The following ADGRD1 variants were observed in gnomAD, a reference collection of about 807,000 sequenced individuals.
ADGRD1 encodes G-protein coupled receptor 133.
A neutral mutation model predicts 113.4 loss-of-function variants in ADGRD1; 77 were observed. The observed-to-expected ratio is 0.68, with a 90% CI of 0.57 to 0.82. The LOEUF is 0.82. Among genes scored for constraint, ADGRD1 ranks in the 40% least tolerant of loss-of-function variants. The pLI, the probability that ADGRD1 is intolerant of heterozygous loss-of-function variation, is 0.00. For synonymous variants in ADGRD1, 474 were observed against 475.0 expected, an observed-to-expected ratio of 1.00 and a Z score of 0.03; for missense variants, 1,036 against 1,139.1, an observed-to-expected ratio of 0.91 and a Z score of 1.30.
intron 18 of ADGRD1, among the ~76,000 whole-genome samples, chr12:131,111,847 T>C (rs1261992846): frequency 1.3e-5 from 2 of 152,224 alleles, no homozygotes; most frequent in African/African-American, 4.8e-5. Flanking sequence ...TCCTTTACTT[T>C]TTCAATGACA....
At chr12:131,097,516 G>A (rs892120139) in intron 15 of ADGRD1, among the ~76,000 whole-genome samples, 18 of 152,234 alleles carry the variant, frequency 1.2e-4, no homozygotes, top group African/African-American at 2.9e-4. Flanking sequence ...GACCCAGCCC[G>A]GGGGAGGCTG....
Position 131,096,789 on chromosome 12 carries a change from G to C in ADGRD1, c.1672-8042G>C, listed in dbSNP as rs1400458595. 2.0e-5 allele frequency among the ~76,000 whole-genome samples: 3 copies of C among 152,242 alleles called. No homozygotes were observed. The highest frequency in any genetic ancestry group is 4.4e-5 in the Non-Finnish European group (3 of 68,040). ...TAAAGCAGCCATCGTCTGGGGCACAGTGGGGACTCAGCCCTGAGTTCCCAG... is the reference window on the plus strand; with the variant it reads ...TAAAGCAGCCATCGTCTGGGGCACACTGGGGACTCAGCCCTGAGTTCCCAG... On this transcript the variant is annotated intron_variant, in intron 15 of 24. Transcript: ENST00000261654. This position sits in a 1 kb window ranked among gnomAD's most constrained non-coding sequence, Gnocchi z 5.2.
intron 3 of ADGRD1, chr12:130,968,364 T>C (rs948346731): frequency 4.6e-5 from 7 of 152,864 alleles, no homozygotes; most frequent in African/African-American, 1.7e-4. Context: ...CCCTACTGGA[T>C]GCATTCTCTA....
At chr12:131,035,188 C>T (rs551108460) in intron 13 of ADGRD1, 6 of 152,998 alleles carry the variant, frequency 3.9e-5, no homozygotes, top group Non-Finnish European at 5.8e-5. Context: ...CCTTCCTGGT[C>T]GCTCCTGGTC....
At chr12:131,133,254 CA>C (rs1190664446) in intron 21 of ADGRD1, among the ~76,000 whole-genome samples, 1 of 152,130 alleles carries the variant, frequency 6.6e-6, no homozygotes. Flanking sequence ...CAAAAGCTCA[CA>C]ATCCCCTGTC....
intron 2 of ADGRD1, chr12:130,958,148 A>G (rs904953352): frequency 7.2e-5 from 8 of 110,848 alleles, no homozygotes; most frequent in Admixed American, 6.8e-4. Context: ...TCTTTTTTCC[A>G]TTTCCCTCCC....
At chr12:131,055,829 T>C (rs368220926) in intron 13 of ADGRD1, among the ~76,000 whole-genome samples, 186 of 152,328 alleles carry the variant, frequency 1.2e-3, no homozygotes, top group African/African-American at 4.2e-3. Context: ...GGCTGTCAGA[T>C]TCCCCCATTC....
At chr12:131,044,958 G>C (rs1183741463) in intron 13 of ADGRD1, among the ~76,000 whole-genome samples, 3 of 152,270 alleles carry the variant, frequency 2.0e-5, no homozygotes, top group South Asian at 2.1e-4. Flanking sequence ...CGATGTTCAG[G>C]CTTCGCCCTC....
intron 13 of ADGRD1, 21 bp from the exon 14 acceptor site, chr12:131,076,780 G>C: frequency 6.2e-7 from 1 of 1,611,422 alleles, no homozygotes; most frequent in South Asian, 1.1e-5. Flanking sequence ...CATGCATCGT[G>C]TTTGCTTTCT....
At chr12:131,095,894 T>C (rs554721835) in intron 15 of ADGRD1, among the ~76,000 whole-genome samples, 2 of 152,270 alleles carry the variant, frequency 1.3e-5, no homozygotes, top group East Asian at 3.9e-4. Context: ...ACAGAGGGGT[T>C]CTGTAGGTTG....
At position 131,135,527 on chromosome 12, in the gene ADGRD1, G is replaced by A. The variant is rs560223085; in HGVS notation, c.2268-510G>A. ...CCGTCAGTGTCACAGGAGGGCTCGG[G>A]TGATCAGCGGGGGACACGCGGGCTG... On this transcript the variant is annotated intron_variant, in intron 21 of 24. Transcript: ENST00000261654. Among the ~76,000 whole-genome samples the A allele has an allele frequency of 6.6e-5, 10 of 152,272 alleles. No homozygotes were observed. The East Asian group carries it at 1.9e-3, about 29-fold the overall frequency.
At chr12:131,012,070 C>T (rs771086339) in intron 12 of ADGRD1, among the ~76,000 whole-genome samples, 4 of 152,122 alleles carry the variant, frequency 2.6e-5, no homozygotes. Flanking sequence ...TGTTGTTCTT[C>T]CGGGGAAACA....
chr12:131,058,640 T>C lies in ADGRD1; in HGVS notation c.1474-18161T>C, dbSNP rs1169232996. Among the ~76,000 whole-genome samples, 4 of 152,224 alleles carry C rather than the reference T, an allele frequency of 2.6e-5. No individual in the cohort carries two copies. In the East Asian group the frequency reaches 7.7e-4, roughly 29 times the overall value. ...CCCTCAAGGGTATTTTCGCTGGACA[T>C]AGAACTCAGGGTGCACAGTTCATTT... On this transcript the variant is annotated intron_variant, in intron 13 of 24. Transcript: ENST00000261654.
chr12:130,957,488 G>GCACACACACCCTCA (rs1869786740), intron 2 of ADGRD1: 3 of 151,666 alleles, frequency 2.0e-5, no homozygotes, highest in Non-Finnish European at 4.4e-5. Flanking sequence ...GCACACACAT[G>GCACACACACCCTCA]CACACACACC....
intron 8 of ADGRD1, among the ~76,000 whole-genome samples, chr12:130,998,485 G>A (rs945760212): frequency 6.6e-6 from 1 of 151,540 alleles, no homozygotes; most frequent in Non-Finnish European, 1.5e-5. Context: ...CTTTTTTTGA[G>A]ATGGAGTCTC....
Position 131,076,810 on chromosome 12 carries a change from C to T in ADGRD1, c.1483C>T (p.Gln495Ter). Residue 495 changes from glutamine to a stop codon, truncating the protein, a stop_gained, in exon 14 of 25, where the codon CAG becomes TAG. Transcript: ENST00000261654. LOFTEE classifies it high-confidence loss of function. ...VHLKHRLTRK[Q>*]HSEATNSSNR... ...CTTTCTTTCATTTCAGACACGTAAG[C>T]AGCACAGTGAGGCCACCAACAGCAG... The T allele has an allele frequency of 6.2e-7, 1 of 1,614,048 alleles. No homozygotes were observed. Among genetic ancestry groups the T allele is most frequent in the Non-Finnish European group, 8.5e-7 (1 of 1,179,904 alleles).
chr12:131,003,750 A>C lies in ADGRD1; in HGVS notation c.1145-436A>C, dbSNP rs1033266070. Among the ~76,000 whole-genome samples, 1 of 152,206 alleles carries C rather than the reference A, an allele frequency of 6.6e-6. No individual in the cohort carries two copies. Among genetic ancestry groups the C allele is most frequent in the African/African-American group, 2.4e-5 (1 of 41,440 alleles). On this transcript the variant is annotated intron_variant, in intron 10 of 24. Transcript: ENST00000261654. The surrounding 1 kb of genome is among the most constrained non-coding windows in gnomAD (Gnocchi z 4.8). The stretch of plus-strand genomic sequence containing the variant: ...TTACCAGGAGTGCATTATCCTGCTG[A>C]TACTTCGCTGCAAGAGCCGAGCTGG...
intron 4 of ADGRD1, chr12:130,981,063 C>T (rs912913270): frequency 7.2e-5 from 11 of 152,346 alleles, no homozygotes; most frequent in African/African-American, 2.6e-4. Flanking sequence ...CTGTATCCAA[C>T]TGCGGGAAAT....
chr12:131,021,776 C>T lies in ADGRD1; in HGVS notation c.1473+7436C>T, dbSNP rs575016786. Among the ~76,000 whole-genome samples the T allele has an allele frequency of 4.9e-4, 74 of 152,262 alleles. 1 individual carries two copies. The highest frequency in any genetic ancestry group is 1.9e-3 in the South Asian group (9 of 4,826). ...AGGCTGGAGTGCAGAGGTGCAGTCA[C>T]GGCTCACTGCAGCCCTGATCGCCGG... On this transcript the variant is annotated intron_variant, in intron 13 of 24. Coordinates refer to ENST00000261654, the MANE Select transcript of ADGRD1 (RefSeq NM_198827.5).
Sources: gnomAD v4.1 joint callset for allele counts (sites outside exome capture counted in the v4.1 genomes callset) on GRCh38, gnomAD v4.1.1 for gene constraint, Gnocchi (gnomAD v3.1) non-coding constraint, MANE v1.5 for transcripts, NCBI Gene and HGNC (gene_info 2026-07-23, HGNC 2026-07-21) for gene names.